The following MAGI2 variants were observed in gnomAD, a reference collection of about 807,000 sequenced individuals.
The protein encoded by MAGI2 is membrane-associated guanylate kinase, WW and PDZ domain-containing protein 2.
Under a neutral mutation model 133.3 loss-of-function variants are expected in MAGI2, and 35 were observed. That is an observed-to-expected ratio of 0.26 (90% CI 0.20 to 0.35). The LOEUF is 0.35. Among genes scored for constraint, MAGI2 ranks in the 10% least tolerant of loss-of-function variants. The pLI is 1.00. For missense variants in MAGI2, 1,636 were observed against 1,863.4 expected (o/e 0.88, Z 2.25); for synonymous variants, 729 against 710.6 (o/e 1.03, Z -0.41).
intron 7 of MAGI2, among the ~76,000 whole-genome samples, chr7:78,357,375 TAATA>T (rs1259881757): frequency 1.1e-4 from 16 of 152,194 alleles, no homozygotes; most frequent in African/African-American, 3.6e-4. Context: ...CTGGGTTGAT[TAATA>T]GTTACTAAAT....
intron 1 of MAGI2, among the ~76,000 whole-genome samples, chr7:79,306,530 A>G (rs923666648): frequency 6.6e-6 from 1 of 151,930 alleles, no homozygotes; most frequent in Non-Finnish European, 1.5e-5. Context: ...TAATATTTGC[A>G]TAGATGAGCA....
At chr7:78,812,630 T>A (rs1003050277) in intron 2 of MAGI2, among the ~76,000 whole-genome samples, 3 of 147,880 alleles carry the variant, frequency 2.0e-5, no homozygotes, top group Non-Finnish European at 2.9e-5. Context: ...ATATATATAT[T>A]TGCCGATAGA....
intron 1 of MAGI2, among the ~76,000 whole-genome samples, chr7:79,201,944 A>G (rs1054774450): frequency 3.3e-5 from 5 of 151,998 alleles, no homozygotes; most frequent in Admixed American, 2.0e-4. Flanking sequence ...AGGTACAAAA[A>G]TGGTTAGTCC....
intron 1 of MAGI2, among the ~76,000 whole-genome samples, chr7:79,023,422 A>G (rs1318253695): frequency 6.6e-6 from 1 of 152,138 alleles, no homozygotes; most frequent in Non-Finnish European, 1.5e-5. Context: ...TGAAAACTGG[A>G]AGAAGACAAG....
At chr7:79,171,764 ATATATATTTTTTT>A (rs1254394907) in intron 1 of MAGI2, among the ~76,000 whole-genome samples, 5 of 24,794 alleles carry the variant, frequency 2.0e-4, no homozygotes, top group African/African-American at 3.8e-4. Context: ...ATATATATAT[ATATATATTTTTTT>A]TTTTTTTTTC....
At chr7:78,950,367 A>G (rs1385626095) in intron 2 of MAGI2, among the ~76,000 whole-genome samples, 1 of 152,144 alleles carries the variant, frequency 6.6e-6, no homozygotes, top group Non-Finnish European at 1.5e-5. Flanking sequence ...ATATATTTGG[A>G]TTATTGCTTT....
At chr7:79,235,207 C>T (rs1477926235) in intron 1 of MAGI2, among the ~76,000 whole-genome samples, 12 of 152,184 alleles carry the variant, frequency 7.9e-5, no homozygotes, top group Non-Finnish European at 1.5e-4. Context: ...AGCTGTCAGA[C>T]AGGGACATTT....
chr7:78,506,594 C>T (rs535730141), intron 4 of MAGI2, among the ~76,000 whole-genome samples: 3 of 152,126 alleles, frequency 2.0e-5, no homozygotes, highest in Non-Finnish European at 4.4e-5. Flanking sequence ...ATTAAAAAAA[C>T]TTCATGTTGC....
intron 3 of MAGI2, among the ~76,000 whole-genome samples, chr7:78,524,279 T>C (rs1035180703): frequency 1.3e-5 from 2 of 152,318 alleles, no homozygotes; most frequent in African/African-American, 2.4e-5. Context: ...GGCCTTGGAA[T>C]GCTGGCAGGT....
intron 1 of MAGI2, among the ~76,000 whole-genome samples, chr7:79,308,032 G>C (rs1425490080): frequency 6.6e-6 from 1 of 152,068 alleles, no homozygotes; most frequent in African/African-American, 2.4e-5. Flanking sequence ...CATTATCTTT[G>C]GGGAGCTGGG....
chr7:78,765,118 T>C (rs1824879751), intron 2 of MAGI2, among the ~76,000 whole-genome samples: 2 of 152,234 alleles, frequency 1.3e-5, no homozygotes, highest in Admixed American at 6.5e-5. Context: ...AATATTGTAA[T>C]AGCAAGCACT....
At chr7:78,121,848 G>A (rs1820504571) in intron 20 of MAGI2, among the ~76,000 whole-genome samples, 1 of 152,124 alleles carries the variant, frequency 6.6e-6, no homozygotes, top group South Asian at 2.1e-4. Context: ...TCCATAAAAT[G>A]GAAAAATAGA....
At chr7:79,150,011 T>C (rs988754823) in intron 1 of MAGI2, among the ~76,000 whole-genome samples, 2 of 151,930 alleles carry the variant, frequency 1.3e-5, no homozygotes, top group Admixed American at 6.6e-5. Flanking sequence ...GATCAGGAGA[T>C]AAAGTGTAAG....
rs2151446808 is a variant in MAGI2 at position 78,833,246 on chromosome 7, C to T, written c.418+173844G>A. Among the ~76,000 whole-genome samples the T allele has an allele frequency of 1.3e-5, 2 of 152,178 alleles. 1 individual carries two copies. The highest frequency in any genetic ancestry group is 3.9e-4 in the East Asian group (2 of 5,184). ...TAAATTCTTATCTCTGTATACTGTA[C>T]TTCTGCATACAGATGTTACATTAAA... On this transcript the variant is annotated intron_variant, in intron 2 of 21. Transcript: ENST00000354212.
chr7:78,696,931 C>A (rs1327178143), intron 2 of MAGI2, among the ~76,000 whole-genome samples: 3 of 152,206 alleles, frequency 2.0e-5, no homozygotes, highest in East Asian at 1.9e-4. Flanking sequence ...GACCACCAAT[C>A]CAGCCTTTAT....
intron 1 of MAGI2, among the ~76,000 whole-genome samples, chr7:79,078,350 G>GA (rs1480502829): frequency 9.2e-5 from 14 of 151,834 alleles, no homozygotes; most frequent in Admixed American, 4.6e-4. Flanking sequence ...GAGTTAGGAA[G>GA]AAAAAATGGA....
chr7:78,817,182 G>T (rs1789658187), intron 2 of MAGI2, among the ~76,000 whole-genome samples: 1 of 152,218 alleles, frequency 6.6e-6, no homozygotes, highest in Admixed American at 6.5e-5. Context: ...AGAGCCTGAT[G>T]ATGTGAGTGA....
intron 2 of MAGI2, among the ~76,000 whole-genome samples, chr7:78,650,074 G>A (rs576478542): frequency 4.1e-4 from 63 of 152,234 alleles, no homozygotes; most frequent in East Asian, 5.8e-4. Flanking sequence ...GTAGTAAGGT[G>A]TTAGTCTAGC....
intron 1 of MAGI2, among the ~76,000 whole-genome samples, chr7:79,306,974 C>T (rs1476096119): frequency 2.6e-5 from 4 of 152,068 alleles, no homozygotes; most frequent in Admixed American, 6.6e-5. Context: ...CCACCACACC[C>T]GGCTAATTTC....
Sources: gnomAD v4.1 joint callset for allele counts (sites outside exome capture counted in the v4.1 genomes callset) on GRCh38, gnomAD v4.1.1 for gene constraint, MANE v1.5 for transcripts, NCBI Gene and HGNC (gene_info 2026-07-23, HGNC 2026-07-21) for gene names.